FNDC3A: variants seen among roughly 807,000 people sequenced by gnomAD.
FNDC3A encodes the protein fibronectin type III domain containing 3A.
In FNDC3A, 32 loss-of-function variants were observed where a neutral mutation model predicts 148.9. The ratio of observed to expected loss-of-function variants is 0.21; its 90% CI spans 0.16 to 0.29. The LOEUF is 0.29. Among genes scored for constraint, FNDC3A ranks in the 10% least tolerant of loss-of-function variants. The probability of loss-of-function intolerance (pLI) is 1.00; values close to 1 mark genes in which losing one functional copy is unlikely to be tolerated. For synonymous variants in FNDC3A, 472 were observed against 473.6 expected (o/e 1.00, Z 0.04); for missense variants, 1,191 against 1,452.8 (o/e 0.82, Z 2.93).
chr13:49,165,268 T>C (rs776943740), intron 8 of FNDC3A, among the ~76,000 whole-genome samples: 17 of 152,220 alleles, frequency 1.1e-4, no homozygotes, highest in Non-Finnish European at 1.9e-4. Flanking sequence ...CTTATGTCAG[T>C]ATCCATGCAT....
chr13:49,157,538 A>G (rs1187762440), intron 8 of FNDC3A, among the ~76,000 whole-genome samples: 15 of 150,124 alleles, frequency 1.0e-4, no homozygotes, highest in East Asian at 2.0e-4. Context: ...GTCATTCTCC[A>G]TCCAGCTTTG....
intron 3 of FNDC3A, among the ~76,000 whole-genome samples, chr13:49,103,575 G>A (rs776676555): frequency 3.9e-5 from 6 of 152,176 alleles, no homozygotes; most frequent in Non-Finnish European, 7.3e-5. Context: ...CTAGGGACTG[G>A]GGGCAAGGAG....
intron 12 of FNDC3A, 66 bp from the exon 13 acceptor site, chr13:49,175,301 C>A: frequency 1.7e-6 from 2 of 1,167,268 alleles, no homozygotes; most frequent in South Asian, 1.9e-5. Context: ...TTACATCTGT[C>A]ACAAACTTGT....
chr13:49,025,889 A>C (rs1334836888), intron 2 of FNDC3A, among the ~76,000 whole-genome samples: 1 of 152,224 alleles, frequency 6.6e-6, no homozygotes, highest in Non-Finnish European at 1.5e-5. Flanking sequence ...AGCTGAAAAA[A>C]TGTATCTTCC....
intron 3 of FNDC3A, among the ~76,000 whole-genome samples, chr13:49,085,734 G>A (rs1023856387): frequency 1.3e-5 from 2 of 152,162 alleles, no homozygotes; most frequent in African/African-American, 4.8e-5. Flanking sequence ...TAAAGGCACA[G>A]GTCTGGGAGT....
rs1566250497 is a variant in FNDC3A, at chr13:49,102,164, CT to C, written c.176-12488del. On this transcript the variant is annotated intron_variant, in intron 3 of 25. Transcript: ENST00000492622. ...TTTTCTTGATTTTTTTAAGCTTACT[CT>C]TTATTCTTATTGTTTTTTCTATATT... is the stretch of plus-strand genomic sequence containing the variant. Among the ~76,000 whole-genome samples, 9 of 151,624 alleles carry C rather than the reference CT, an allele frequency of 5.9e-5. 1 individual carries two copies. In the South Asian group the frequency reaches 1.9e-3, roughly 32 times the overall value.
In FNDC3A at chr13:49,116,103, A is replaced by C. The variant is rs559056057; in HGVS notation, c.252+1372A>C. ...AAAGATGATTAAGACAAGTTCTTTC[A>C]GTGCACTTAGGTTATCTGCTGTTCT... On this transcript the variant is annotated intron_variant, in intron 4 of 25. Transcript: ENST00000492622. Among the ~76,000 whole-genome samples, 5 of 152,314 alleles carry C rather than the reference A, an allele frequency of 3.3e-5. No individual in the cohort carries two copies. The Middle Eastern group carries it at 0.01, about 311-fold the overall frequency.
intron 5 of FNDC3A, among the ~76,000 whole-genome samples, chr13:49,136,038 A>G (rs952575250): frequency 2.0e-5 from 3 of 152,192 alleles, no homozygotes; most frequent in African/African-American, 4.8e-5. Flanking sequence ...CTCACCTACA[A>G]TAATCATAAG....
intron 4 of FNDC3A, among the ~76,000 whole-genome samples, chr13:49,119,216 G>T (rs946552434): frequency 6.6e-6 from 1 of 152,180 alleles, no homozygotes; most frequent in African/African-American, 2.4e-5. Context: ...GGCAAACAGG[G>T]TCTGAGTGGA....
chr13:49,128,809 A>T (rs922431098), intron 4 of FNDC3A, among the ~76,000 whole-genome samples: 1 of 152,150 alleles, frequency 6.6e-6, no homozygotes, highest in Non-Finnish European at 1.5e-5. Context: ...CTTCTACCTT[A>T]GGGGCTTTAT....
intron 9 of FNDC3A, among the ~76,000 whole-genome samples, chr13:49,168,363 T>G (rs1312957750): frequency 6.6e-6 from 1 of 152,178 alleles, no homozygotes; most frequent in East Asian, 1.9e-4. Context: ...GTTGAGAACA[T>G]TGTTTCAGGA....
At chr13:49,015,814 C>T (rs1436446545) in intron 2 of FNDC3A, among the ~76,000 whole-genome samples, 2 of 147,756 alleles carry the variant, frequency 1.4e-5, no homozygotes, top group African/African-American at 5.0e-5. Flanking sequence ...TAGCATGAAG[C>T]GTTGTTGAAT....
chr13:49,027,178 T>C (rs766210189), intron 2 of FNDC3A, among the ~76,000 whole-genome samples: 2 of 152,204 alleles, frequency 1.3e-5, no homozygotes, highest in Non-Finnish European at 2.9e-5. Context: ...GAGACTAGAC[T>C]CAATATCTTC....
chr13:49,184,572 G>C (rs1885467601), intron 14 of FNDC3A, among the ~76,000 whole-genome samples: 1 of 152,152 alleles, frequency 6.6e-6, no homozygotes, highest in Non-Finnish European at 1.5e-5. Flanking sequence ...AGTCAGCCGA[G>C]TAAGTTTATT....
intron 8 of FNDC3A, among the ~76,000 whole-genome samples, chr13:49,154,242 G>A (rs1049081907): frequency 2.7e-5 from 4 of 148,592 alleles, no homozygotes; most frequent in African/African-American, 1.0e-4. Flanking sequence ...CACATCCCTT[G>A]TAAGTTGGAT....
intron 25 of FNDC3A, among the ~76,000 whole-genome samples, chr13:49,206,625 C>A (rs574973636): frequency 1.8e-4 from 27 of 152,266 alleles, no homozygotes; most frequent in Middle Eastern, 3.4e-3. Context: ...GAAAGCTCCC[C>A]TTATTCATTT....
chr13:49,121,307 G>A (rs965052457), intron 4 of FNDC3A, among the ~76,000 whole-genome samples: 1 of 152,132 alleles, frequency 6.6e-6, no homozygotes, highest in South Asian at 2.1e-4. Flanking sequence ...TGAGAACAAA[G>A]ACACAACATA....
chr13:49,124,276 AT>A (rs1881551952), intron 4 of FNDC3A, among the ~76,000 whole-genome samples: 1 of 151,990 alleles, frequency 6.6e-6, no homozygotes, highest in African/African-American at 2.4e-5. Context: ...TCACTTATAA[AT>A]GGGAGTTGAA....
At chr13:49,039,597 A>T (rs369946481) in intron 2 of FNDC3A, among the ~76,000 whole-genome samples, 19 of 152,230 alleles carry the variant, frequency 1.2e-4, no homozygotes, top group South Asian at 1.2e-3. Context: ...TGCAGTGAGC[A>T]TTAAATTTTA....
Sources: gnomAD v4.1 joint callset for allele counts (sites outside exome capture counted in the v4.1 genomes callset) on GRCh38, gnomAD v4.1.1 for gene constraint, MANE v1.5 for transcripts, NCBI Gene and HGNC (gene_info 2026-07-23, HGNC 2026-07-21) for gene names.